Variants in GNA14 observed in about 807,000 individuals in gnomAD.
The protein encoded by GNA14 is G protein subunit alpha 14.
Under a neutral mutation model 42.0 loss-of-function variants are expected in GNA14, and 50 were observed. The ratio of observed to expected loss-of-function variants is 1.19; its 90% CI spans 0.95 to 1.51. GNA14 has a LOEUF of 1.51. Ranked by LOEUF, GNA14 falls within the 40% of genes most tolerant of loss-of-function variation. The pLI is 0.00. For synonymous variants in GNA14, 173 were observed against 163.1 expected (o/e 1.06, Z -0.46); for missense variants, 473 against 446.2 (o/e 1.06, Z -0.54).
At chr9:77,500,044 C>T (rs1192953986) in intron 2 of GNA14, among the ~76,000 whole-genome samples, 9 of 147,026 alleles carry the variant, frequency 6.1e-5, no homozygotes, top group Middle Eastern at 3.6e-3. Flanking sequence ...TTTTTTGAAA[C>T]GGAGTTTCAC....
At chr9:77,478,155 C>T (rs1158831606) in intron 2 of GNA14, among the ~76,000 whole-genome samples, 2 of 151,538 alleles carry the variant, frequency 1.3e-5, no homozygotes, top group Non-Finnish European at 2.9e-5. Flanking sequence ...TTAGGTATAT[C>T]TCCTAATGCT....
At chr9:77,578,567 G>C (rs1180328830) in intron 1 of GNA14, among the ~76,000 whole-genome samples, 1 of 152,146 alleles carries the variant, frequency 6.6e-6, no homozygotes, top group Non-Finnish European at 1.5e-5. Context: ...CTACAACCTT[G>C]AGATATAGAT....
At chr9:77,458,411 T>G (rs1836044958) in intron 2 of GNA14, among the ~76,000 whole-genome samples, 1 of 152,194 alleles carries the variant, frequency 6.6e-6, no homozygotes, top group African/African-American at 2.4e-5. Context: ...CACGCGCGCC[T>G]GAACCTGCAG....
At chr9:77,646,162 G>A (rs865823901) in intron 1 of GNA14, among the ~76,000 whole-genome samples, 2 of 152,052 alleles carry the variant, frequency 1.3e-5, no homozygotes, top group South Asian at 2.1e-4. Context: ...CTCTCTCCTA[G>A]GGGGGCCTCT....
chr9:77,541,175 A>G (rs1400590570), intron 1 of GNA14, among the ~76,000 whole-genome samples: 1 of 152,020 alleles, frequency 6.6e-6, no homozygotes, highest in Non-Finnish European at 1.5e-5. Context: ...CTTTCACTTC[A>G]CTTCCAGGTT....
chr9:77,569,153 CT>C (rs1230967905), intron 1 of GNA14, among the ~76,000 whole-genome samples: 409 of 143,510 alleles, frequency 2.8e-3, no homozygotes, highest in East Asian at 9.9e-3. Flanking sequence ...TCTCTTTTGC[CT>C]TTTTTTTTTT....
intron 2 of GNA14, among the ~76,000 whole-genome samples, chr9:77,522,320 C>G (rs370801202): frequency 2.6e-5 from 4 of 152,188 alleles, no homozygotes; most frequent in African/African-American, 7.2e-5. Flanking sequence ...CCATCCGCAT[C>G]TCAGAGCTGG....
chr9:77,448,073 A>G (rs1835850981), intron 2 of GNA14, among the ~76,000 whole-genome samples: 1 of 152,222 alleles, frequency 6.6e-6, no homozygotes. Flanking sequence ...CATCCAGCAG[A>G]CTGCCTGTTT....
chr9:77,502,295 C>T (rs928168644), intron 2 of GNA14, among the ~76,000 whole-genome samples: 3 of 152,148 alleles, frequency 2.0e-5, no homozygotes, highest in African/African-American at 7.2e-5. Context: ...CTCGATTGTC[C>T]TTGTCATTCA....
chr9:77,574,966 G>C (rs1230019956), intron 1 of GNA14, among the ~76,000 whole-genome samples: 1 of 152,200 alleles, frequency 6.6e-6, no homozygotes, highest in African/African-American at 2.4e-5. Flanking sequence ...TTCTGTAGAA[G>C]AGTAAATCAG....
chr9:77,637,407 G>C (rs992552924), intron 1 of GNA14, among the ~76,000 whole-genome samples: 1 of 152,164 alleles, frequency 6.6e-6, no homozygotes, highest in Admixed American at 6.5e-5. Flanking sequence ...AGTGGCCATT[G>C]AGAAGATGTT....
intron 1 of GNA14, among the ~76,000 whole-genome samples, chr9:77,573,883 G>T (rs1027545722): frequency 6.6e-6 from 1 of 152,124 alleles, no homozygotes; most frequent in Non-Finnish European, 1.5e-5. Context: ...AGGAGAGAAG[G>T]TGGCATATAA....
intron 1 of GNA14, among the ~76,000 whole-genome samples, chr9:77,599,140 T>C (rs144800834): frequency 3.3e-5 from 5 of 152,282 alleles, no homozygotes; most frequent in East Asian, 3.9e-4. Context: ...TTCAGAGTAA[T>C]TGATATTAGA....
At chr9:77,481,872 T>C (rs377268384) in intron 2 of GNA14, among the ~76,000 whole-genome samples, 5 of 152,156 alleles carry the variant, frequency 3.3e-5, no homozygotes, top group Admixed American at 2.0e-4. Flanking sequence ...GGATTGCAAC[T>C]CCTGCCTTTT....
intron 1 of GNA14, among the ~76,000 whole-genome samples, chr9:77,569,756 C>T (rs2131795498): frequency 6.6e-6 from 1 of 151,112 alleles, no homozygotes; most frequent in South Asian, 2.1e-4. Context: ...ATATGTTTTT[C>T]TTTTCCTTTC....
At chr9:77,611,681 T>C (rs1436511306) in intron 1 of GNA14, among the ~76,000 whole-genome samples, 1 of 152,166 alleles carries the variant, frequency 6.6e-6, no homozygotes, top group Non-Finnish European at 1.5e-5. Context: ...TTCTTACACG[T>C]ATGATCATCA....
At chr9:77,443,873 T>A (rs1178260381) in intron 2 of GNA14, among the ~76,000 whole-genome samples, 1 of 152,200 alleles carries the variant, frequency 6.6e-6, no homozygotes, top group East Asian at 1.9e-4. Flanking sequence ...CCCCAGCTAC[T>A]CTGGAGGCTG....
intron 1 of GNA14, among the ~76,000 whole-genome samples, chr9:77,544,671 C>CAAAAAA (rs397959672): frequency 3.4e-5 from 2 of 58,574 alleles, no homozygotes; most frequent in African/African-American, 5.0e-5. Flanking sequence ...CACTGCATCT[C>CAAAAAA]AAAAAAAAAA....
At chr9:77,510,528 T>C (rs1837146660) in intron 2 of GNA14, among the ~76,000 whole-genome samples, 2 of 151,982 alleles carry the variant, frequency 1.3e-5, no homozygotes, top group African/African-American at 4.8e-5. Context: ...TAGAGATGAG[T>C]TGCAGTGAGG....
Sources: gnomAD v4.1 joint callset for allele counts (sites outside exome capture counted in the v4.1 genomes callset) on GRCh38, gnomAD v4.1.1 for gene constraint, MANE v1.5 for transcripts, NCBI Gene and HGNC (gene_info 2026-07-23, HGNC 2026-07-21) for gene names.